Variants in ZRANB3 observed in about 807,000 individuals in gnomAD.
The protein encoded by ZRANB3 is DNA annealing helicase and endonuclease ZRANB3.
ZRANB3 carries 125 observed loss-of-function variants against 133.8 expected under a neutral mutation model. The observed-to-expected ratio is 0.93, with a 90% CI of 0.81 to 1.08. The LOEUF (loss-of-function observed/expected upper bound fraction) is 1.08, where lower values mean the gene tolerates loss of function less well. ZRANB3 is among the 50% of genes least tolerant of loss of function. ZRANB3 has a pLI of 0.00. For missense variants in ZRANB3, 1,229 were observed against 1,275.5 expected (o/e 0.96, Z 0.56); for synonymous variants, 387 against 432.7 (o/e 0.89, Z 1.31).
chr2:135,258,839 T>C (rs1053567928), intron 12 of ZRANB3, among the ~76,000 whole-genome samples: 2 of 152,200 alleles, frequency 1.3e-5, no homozygotes, highest in African/African-American at 2.4e-5. Context: ...ATTTCACAAG[T>C]GCCACAGCTC....
intron 12 of ZRANB3, among the ~76,000 whole-genome samples, chr2:135,262,823 C>A (rs1680030856): frequency 6.6e-6 from 1 of 150,916 alleles, no homozygotes; most frequent in Non-Finnish European, 1.5e-5. Context: ...TAGGAAACAG[C>A]AGACATTATA....
intron 3 of ZRANB3, among the ~76,000 whole-genome samples, chr2:135,360,407 TAAAAC>T (rs1198843386): frequency 1.3e-5 from 2 of 151,322 alleles, no homozygotes; most frequent in African/African-American, 2.4e-5. Flanking sequence ...AATAAATAGA[TAAAAC>T]AAAATAAACT....
At chr2:135,466,246 G>A (rs905770506) in intron 2 of ZRANB3, among the ~76,000 whole-genome samples, 9 of 151,878 alleles carry the variant, frequency 5.9e-5, no homozygotes, top group African/African-American at 1.9e-4. Flanking sequence ...AGCTGGGCGT[G>A]GTGGTGCATG....
At chr2:135,525,354 G>C (rs1158752656) in intron 1 of ZRANB3, among the ~76,000 whole-genome samples, 1 of 152,158 alleles carries the variant, frequency 6.6e-6, no homozygotes, top group Non-Finnish European at 1.5e-5. Flanking sequence ...AACACCATTA[G>C]TAGGAAAGAA....
At chr2:135,257,350 A>T (rs532096143) in intron 12 of ZRANB3, among the ~76,000 whole-genome samples, 3 of 152,290 alleles carry the variant, frequency 2.0e-5, no homozygotes, top group Admixed American at 2.0e-4. Context: ...ATCAATTTAT[A>T]ACTTTTTTTG....
intron 12 of ZRANB3, among the ~76,000 whole-genome samples, chr2:135,245,945 AAAAGAG>A (rs1695775248): frequency 6.8e-6 from 1 of 146,574 alleles, no homozygotes; most frequent in Non-Finnish European, 1.5e-5. Context: ...AAAAAAAAAA[AAAAGAG>A]ACAGGGTTTC....
At chr2:135,504,063 G>T in intron 2 of ZRANB3, 1 of 443,236 alleles carries the variant, frequency 2.3e-6, no homozygotes, top group Non-Finnish European at 4.2e-6. Context: ...CTAGAAAACT[G>T]TCAATATATG....
chr2:135,209,062 G>T, intron 17 of ZRANB3, 84 bp from the exon 18 acceptor site: 1 of 1,297,956 alleles, frequency 7.7e-7, no homozygotes, highest in Non-Finnish European at 1.1e-6. Context: ...CCTTGCAAAA[G>T]CAATAGAAGA....
intron 2 of ZRANB3, among the ~76,000 whole-genome samples, chr2:135,487,115 CA>C (rs1319801487): frequency 1.3e-5 from 2 of 152,184 alleles, no homozygotes. Context: ...GGCACGAAAA[CA>C]ACATTCATCT....
intron 7 of ZRANB3, among the ~76,000 whole-genome samples, chr2:135,314,450 TAAC>T (rs754901456): frequency 3.3e-5 from 5 of 152,156 alleles, no homozygotes; most frequent in Non-Finnish European, 5.9e-5. Context: ...GCTTTCAAGA[TAAC>T]AATGAAAAAC....
intron 6 of ZRANB3, among the ~76,000 whole-genome samples, chr2:135,316,952 G>A (rs1244653464): frequency 2.9e-5 from 4 of 136,062 alleles, no homozygotes; most frequent in African/African-American, 1.1e-4. Context: ...GTGACAGAGC[G>A]AGATTCCGTC....
chr2:135,277,551 A>T (rs1482161360), intron 8 of ZRANB3, among the ~76,000 whole-genome samples: 1 of 152,264 alleles, frequency 6.6e-6, no homozygotes, highest in Non-Finnish European at 1.5e-5. Context: ...CAGTACTATC[A>T]GAAATGAAAA....
At chr2:135,388,506 C>T (rs887057292) in intron 3 of ZRANB3, among the ~76,000 whole-genome samples, 4 of 152,146 alleles carry the variant, frequency 2.6e-5, no homozygotes, top group African/African-American at 9.7e-5. Flanking sequence ...TTGTGGAAAT[C>T]ATAAAGGATG....
intron 8 of ZRANB3, among the ~76,000 whole-genome samples, chr2:135,291,443 A>C (rs1681725023): frequency 6.6e-6 from 1 of 152,144 alleles, no homozygotes; most frequent in Non-Finnish European, 1.5e-5. Flanking sequence ...TCGGCCTCCC[A>C]AAGTGCTGGG....
intron 6 of ZRANB3, among the ~76,000 whole-genome samples, chr2:135,335,887 C>T (rs1293968337): frequency 1.3e-5 from 2 of 152,022 alleles, no homozygotes; most frequent in Non-Finnish European, 2.9e-5. Context: ...GTTTTCATTA[C>T]TTCCAGGGGG....
chr2:135,437,667 G>T (rs948898576), intron 2 of ZRANB3, among the ~76,000 whole-genome samples: 5 of 152,084 alleles, frequency 3.3e-5, no homozygotes, highest in Non-Finnish European at 7.4e-5. Context: ...AGGATTTTAA[G>T]TTTAAAATTA....
intron 3 of ZRANB3, chr2:135,355,326 G>T: frequency 1.1e-6 from 1 of 902,004 alleles, no homozygotes; most frequent in Non-Finnish European, 1.3e-6. Context: ...GAACAACTTG[G>T]TTCCAATACA....
chr2:135,528,620 C>A (rs1163591571), intron 1 of ZRANB3, among the ~76,000 whole-genome samples: 1 of 152,110 alleles, frequency 6.6e-6, no homozygotes, highest in Non-Finnish European at 1.5e-5. Context: ...ACTAGATTTA[C>A]ACTGGAAGAA....
intron 2 of ZRANB3, among the ~76,000 whole-genome samples, chr2:135,441,151 C>A (rs1353307292): frequency 6.6e-6 from 1 of 152,126 alleles, no homozygotes; most frequent in South Asian, 2.1e-4. Context: ...GTCAGATAAA[C>A]ACACAAAAGA....
Sources: allele counts gnomAD v4.1 joint callset (sites outside exome capture counted in the v4.1 genomes callset), GRCh38; gene constraint gnomAD v4.1.1; transcripts MANE v1.5; gene names NCBI Gene and HGNC (gene_info 2026-07-23, HGNC 2026-07-21).